TENM2: variants seen among roughly 807,000 people sequenced by gnomAD.
TENM2 encodes teneurin transmembrane protein 2, also known as teneurin-2.
TENM2 carries 52 observed loss-of-function variants against 245.2 expected under a neutral mutation model. That is an observed-to-expected ratio of 0.21 (90% confidence interval 0.17 to 0.27). The LOEUF is 0.27. Ranked by LOEUF, TENM2 falls within the 10% of genes least tolerant of loss-of-function variation. The pLI is 1.00. For synonymous variants in TENM2, 1,363 were observed against 1,438.9 expected (o/e 0.95, Z 1.19); for missense variants, 3,046 against 3,666.8 (o/e 0.83, Z 4.37).
At chr5:167,698,785 G>A (rs949426802) in intron 2 of TENM2, among the ~76,000 whole-genome samples, 3 of 143,730 alleles carry the variant, frequency 2.1e-5, no homozygotes, top group Non-Finnish European at 4.5e-5. Context: ...CCGGATTCAC[G>A]CCTTTCTCCT....
the TENM2 span, among the ~76,000 whole-genome samples, chr5:166,979,410 G>A: frequency 1.3e-5 from 2 of 152,062 alleles, no homozygotes; most frequent in Admixed American, 6.6e-5. Flanking sequence ...GAGGGTGTGT[G>A]TTGCCCCCTC....
chr5:168,099,389 CA>C (rs1793628365), intron 9 of TENM2, among the ~76,000 whole-genome samples: 1 of 152,158 alleles, frequency 6.6e-6, no homozygotes, highest in Non-Finnish European at 1.5e-5. Flanking sequence ...ACTGATTTAA[CA>C]TTTCTGAACC....
chr5:167,045,441 C>T, the TENM2 span, among the ~76,000 whole-genome samples: 11 of 152,130 alleles, frequency 7.2e-5, no homozygotes, highest in Non-Finnish European at 1.5e-4. Context: ...AGGGCCCTTC[C>T]ATTCCTATCC....
chr5:167,587,182 C>A (rs1314230790), intron 2 of TENM2, among the ~76,000 whole-genome samples: 1 of 152,178 alleles, frequency 6.6e-6, no homozygotes, highest in African/African-American at 2.4e-5. Context: ...TTATCACTCA[C>A]TGAGGTTTCA....
chr5:167,304,717 C>T (rs908152893), intron 1 of TENM2, among the ~76,000 whole-genome samples: 6 of 151,870 alleles, frequency 4.0e-5, no homozygotes, highest in Admixed American at 2.0e-4. Context: ...ATTTACATGA[C>T]AGTTGCAAAA....
rs181549952 is a variant in TENM2 at position 168,040,950 on chromosome 5, G to A, written c.1187-6477G>A. On this transcript the variant is annotated intron_variant, in intron 5 of 28. Coordinates refer to ENST00000518659, the Ensembl canonical transcript of TENM2. ...AAATAGCAAACTAGTTGCCAACCAA[G>A]GACATATTCGTAGAGACTAATGGCT... Among the ~76,000 whole-genome samples, 97 of 152,310 alleles carry A rather than the reference G, an allele frequency of 6.4e-4. 1 individual carries two copies. In the East Asian group the frequency reaches 0.017, roughly 27 times the overall value.
intron 3 of TENM2, among the ~76,000 whole-genome samples, chr5:167,881,335 T>C (rs1773860040): frequency 1.3e-5 from 2 of 152,212 alleles, no homozygotes; most frequent in Non-Finnish European, 2.9e-5. Flanking sequence ...TTTATCCCAC[T>C]TCTCCTAATG....
intron 2 of TENM2, among the ~76,000 whole-genome samples, chr5:167,594,674 T>C (rs1307596814): frequency 2.6e-5 from 4 of 152,214 alleles, no homozygotes. Flanking sequence ...TTCTTTGTCA[T>C]TTATCTTTAT....
chr5:168,153,880 G>C (rs1756876832), intron 12 of TENM2, among the ~76,000 whole-genome samples: 1 of 152,154 alleles, frequency 6.6e-6, no homozygotes, highest in African/African-American at 2.4e-5. Context: ...GAAACTCCCG[G>C]AGGATGTTCA....
At chr5:167,305,816 G>A (rs1011064937) in intron 1 of TENM2, among the ~76,000 whole-genome samples, 2 of 152,134 alleles carry the variant, frequency 1.3e-5, no homozygotes, top group Non-Finnish European at 2.9e-5. Context: ...ACGTCATTGG[G>A]TGCCAGGGAT....
intron 2 of TENM2, among the ~76,000 whole-genome samples, chr5:167,531,843 G>A (rs1771528827): frequency 6.6e-6 from 1 of 152,124 alleles, no homozygotes; most frequent in East Asian, 1.9e-4. Flanking sequence ...TGCAATGGGC[G>A]TTAGGACTCA....
intron 2 of TENM2, among the ~76,000 whole-genome samples, chr5:167,545,354 C>G (rs1386813375): frequency 6.6e-6 from 1 of 152,030 alleles, no homozygotes; most frequent in Admixed American, 6.6e-5. Context: ...TTTTGGTGGT[C>G]TTCTAAAATG....
Position 167,698,747 on chromosome 5 carries a change from G to A in TENM2, c.503-177239G>A, listed in dbSNP as rs567761409. 2.0e-4 allele frequency among the ~76,000 whole-genome samples: 29 copies of A among 143,968 alleles called. No homozygotes were observed. In the South Asian group the frequency reaches 4.9e-3, roughly 24 times the overall value. The allele number at this position is 143,968 out of a possible 152,430, so 94.4% of individuals were successfully genotyped here. On this transcript the variant is annotated intron_variant, in intron 2 of 28. Transcript: ENST00000518659. ...TGCCCCGGCTAGAGTGCAGTGGTGC[G>A]ATCTCTGCTCACTGCCAGCTCCTCC...
intron 3 of TENM2, among the ~76,000 whole-genome samples, chr5:167,938,803 T>C (rs1356080271): frequency 1.3e-5 from 2 of 151,756 alleles, no homozygotes; most frequent in Non-Finnish European, 2.9e-5. Flanking sequence ...ATTAGCCGGG[T>C]GTGGTGGCAT....
chr5:168,075,090 C>T lies in TENM2; in HGVS notation c.1515+12825C>T, dbSNP rs1210563480. On this transcript the variant is annotated intron_variant, in intron 7 of 28. Coordinates refer to ENST00000518659, the Ensembl canonical transcript of TENM2. ...AGTTTTTTTATCCCTCACCCCGCTTCCACCCTTTCCCCTGAGGCCCCAAAG... is the reference window on the plus strand; with the variant it reads ...AGTTTTTTTATCCCTCACCCCGCTTTCACCCTTTCCCCTGAGGCCCCAAAG... Among the ~76,000 whole-genome samples the T allele has an allele frequency of 2.1e-4, 32 of 152,136 alleles. 2 individuals are homozygous for T. Among genetic ancestry groups the T allele is most frequent in the Admixed American group, 2.1e-3 (32 of 15,268 alleles).
the TENM2 span, among the ~76,000 whole-genome samples, chr5:167,182,461 T>C: frequency 1.3e-5 from 2 of 152,162 alleles, no homozygotes; most frequent in Non-Finnish European, 2.9e-5. Flanking sequence ...TGCTACATTA[T>C]TTTAGGACTA....
chr5:167,452,014 T>C (rs1409558247), intron 2 of TENM2, among the ~76,000 whole-genome samples: 1 of 152,128 alleles, frequency 6.6e-6, no homozygotes, highest in Non-Finnish European at 1.5e-5. Flanking sequence ...AGAAAGGTGA[T>C]GGAGTTTTCT....
At chr5:167,210,612 C>T in the TENM2 span, among the ~76,000 whole-genome samples, 22 of 151,544 alleles carry the variant, frequency 1.5e-4, no homozygotes, top group Non-Finnish European at 8.8e-5. Context: ...TACAGGCGCC[C>T]GCCACCGCGC....
chr5:167,477,831 AGG>A (rs1767492162), intron 2 of TENM2, among the ~76,000 whole-genome samples: 1 of 152,176 alleles, frequency 6.6e-6, no homozygotes, highest in African/African-American at 2.4e-5. Context: ...AGATGGAAGG[AGG>A]AAAGGAGGGC....
Sources: gnomAD v4.1 joint callset for allele counts (sites outside exome capture counted in the v4.1 genomes callset) on GRCh38, gnomAD v4.1.1 for gene constraint, MANE v1.5 for transcripts, NCBI Gene and HGNC (gene_info 2026-07-23, HGNC 2026-07-21) for gene names.